The following DNAJC9 variants were observed in gnomAD, a reference collection of about 807,000 sequenced individuals.
DNAJC9 encodes the protein dnaJ homolog subfamily C member 9.
A neutral mutation model predicts 32.4 loss-of-function variants in DNAJC9; 18 were observed. That is an observed-to-expected ratio of 0.56 (90% CI 0.38 to 0.82). The LOEUF is 0.82. Among genes scored for constraint, DNAJC9 ranks in the 40% least tolerant of loss-of-function variants. DNAJC9 has a pLI of 0.00. For missense variants in DNAJC9, 310 were observed against 321.8 expected (o/e 0.96, Z 0.28); for synonymous variants, 113 against 122.1 (o/e 0.93, Z 0.49).
At chr10:73,232,917 G>T (rs1248001747) in intron 2 of DNAJC9, 10 of 1,362,428 alleles carry the variant, frequency 7.3e-6, no homozygotes, top group Non-Finnish European at 1.0e-5. Flanking sequence ...ACTTCATTGT[G>T]GGTTTCTGAT....
downstream of DNAJC9, chr10:73,235,041 T>C: frequency 6.8e-7 from 1 of 1,480,548 alleles, no homozygotes. Flanking sequence ...TACTGTGTTT[T>C]GTCAAAAGTA....
At chr10:73,239,283 T>G, downstream of DNAJC9, 2 of 1,533,308 alleles carry the variant, frequency 1.3e-6, no homozygotes, top group Non-Finnish European at 1.8e-6. Flanking sequence ...AGATGCATCA[T>G]AAGAAGTGTC....
At chr10:73,240,981 G>A (rs12573841), downstream of DNAJC9, 112,967 of 1,499,480 alleles carry the variant, frequency 0.075, 6,597 homozygotes, top group East Asian at 0.33. Flanking sequence ...ATCTCAAAGC[G>A]GAGGCAGACC....
At chr10:73,244,989 A>C (rs1321472784) in intron 3 of DNAJC9, among the ~76,000 whole-genome samples, 1 of 152,212 alleles carries the variant, frequency 6.6e-6, no homozygotes, top group East Asian at 1.9e-4. Context: ...TCTCAAGCTA[A>C]CAGTCTACTG....
rs960667204 is a variant in DNAJC9, at chr10:73,243,133, C to T, written c.*267G>A. 18 of 409,050 alleles carry T rather than the reference C, an allele frequency of 4.4e-5. No homozygotes were observed. The highest frequency in any genetic ancestry group is 5.4e-5 in the Non-Finnish European group (12 of 222,616). 25.3% of individuals were successfully genotyped at this position (409,050 alleles called of 1,614,324 possible). A position where few individuals can be genotyped will look rare whatever the true frequency, so the allele number is the denominator to read the frequency against. ...TACAGAAGATCCATGGAGGCAAGTG[C>T]TGTCAGGAAGGACACTGCCTCCCTC... On this transcript the variant is annotated 3_prime_UTR_variant, in exon 5 of 5. Coordinates refer to ENST00000372950, the MANE Select transcript of DNAJC9 (RefSeq NM_015190.5).
intron 2 of DNAJC9, chr10:73,233,239 A>C (rs2043752581): frequency 9.5e-7 from 1 of 1,052,366 alleles, no homozygotes; most frequent in Non-Finnish European, 1.4e-6. Context: ...ATTTAAATAT[A>C]AGACTGAAAT....
In DNAJC9 at chr10:73,246,679, G is replaced by A. The variant is rs16930457; in HGVS notation, c.321+9C>T. On this transcript the variant is annotated intron_variant, in intron 2 of 4. Coordinates refer to ENST00000372950, the MANE Select transcript of DNAJC9 (RefSeq NM_015190.5). ...TAACAGTCACAAAGAAACCTCCAGAGTCCTTTACCTTTTTAAAGAGTAGCC... is the reference window on the plus strand; with the variant it reads ...TAACAGTCACAAAGAAACCTCCAGAATCCTTTACCTTTTTAAAGAGTAGCC... The A allele has an allele frequency of 0.083, 134,596 of 1,613,492 alleles. 8,424 individuals carry two copies. The highest frequency in any genetic ancestry group is 0.29 in the East Asian group (12,945 of 44,838).
At chr10:73,239,302 T>C, downstream of DNAJC9, 1 of 1,550,754 alleles carries the variant, frequency 6.4e-7, no homozygotes. Flanking sequence ...TCTCCTCTTT[T>C]GTCTTGTAGC....
chr10:73,236,430 T>C (rs1589196450), downstream of DNAJC9, among the ~76,000 whole-genome samples: 1 of 151,298 alleles, frequency 6.6e-6, no homozygotes, highest in African/African-American at 2.4e-5. Context: ...TTTTTTTTTT[T>C]TGAGACGGAG....
At chr10:73,246,958 G>A in intron 1 of DNAJC9, 52 bp downstream of exon 1, 2 of 1,558,628 alleles carry the variant, frequency 1.3e-6, no homozygotes, top group East Asian at 4.6e-5. Context: ...TAGCCAAAAG[G>A]CTAGGGGGAG....
downstream of DNAJC9, among the ~76,000 whole-genome samples, chr10:73,240,017 G>A (rs963175321): frequency 4.6e-5 from 7 of 152,072 alleles, no homozygotes; most frequent in African/African-American, 9.7e-5. Context: ...CTCGAACTCC[G>A]GGGCTCAAGG....
At chr10:73,240,843 A>G, downstream of DNAJC9, 2 of 709,678 alleles carry the variant, frequency 2.8e-6, no homozygotes, top group Non-Finnish European at 5.0e-6. Flanking sequence ...ATACCTTAAG[A>G]AAGTCCAATT....
At chr10:73,235,803 G>A (rs898333178), downstream of DNAJC9, among the ~76,000 whole-genome samples, 1 of 152,170 alleles carries the variant, frequency 6.6e-6, no homozygotes, top group African/African-American at 2.4e-5. Context: ...GAGTAGCTGG[G>A]ACTACAGGTG....
At chr10:73,234,076 A>AT (rs1462134758), downstream of DNAJC9, 1 of 152,230 alleles carries the variant, frequency 6.6e-6, no homozygotes, top group Non-Finnish European at 1.5e-5. Flanking sequence ...TTAGCTGTTG[A>AT]TTCACAAAAT....
At chr10:73,235,500 A>G, downstream of DNAJC9, 1 of 1,346,174 alleles carries the variant, frequency 7.4e-7, no homozygotes, top group Admixed American at 2.9e-5. Flanking sequence ...CCTGATGCCT[A>G]TTCTTTAATG....
intron 3 of DNAJC9, among the ~76,000 whole-genome samples, chr10:73,244,973 G>C (rs893963511): frequency 3.3e-5 from 5 of 152,100 alleles, no homozygotes; most frequent in Non-Finnish European, 7.4e-5. Flanking sequence ...AAATTCTAGG[G>C]AAGTTTCTCA....
downstream of DNAJC9, chr10:73,235,003 G>A: frequency 1.3e-6 from 2 of 1,529,212 alleles, no homozygotes. Context: ...CAGTAATTCT[G>A]CAGGATCTGT....
At chr10:73,245,772 G>T (rs1443180805) in intron 3 of DNAJC9, 150 bp downstream of exon 3, 21 of 880,600 alleles carry the variant, frequency 2.4e-5, no homozygotes, top group Non-Finnish European at 3.0e-5. Flanking sequence ...TTGATGAACT[G>T]GTATGCCCAT....
At chr10:73,239,457 A>G (rs748679295), downstream of DNAJC9, 42 of 1,090,558 alleles carry the variant, frequency 3.9e-5, no homozygotes, top group Admixed American at 2.2e-4. Flanking sequence ...CTTTTTTCCT[A>G]CACCTATTTC....
Sources: allele counts gnomAD v4.1 joint callset (sites outside exome capture counted in the v4.1 genomes callset), GRCh38; gene constraint gnomAD v4.1.1; transcripts MANE v1.5; gene names NCBI Gene and HGNC (gene_info 2026-07-23, HGNC 2026-07-21).